NCOA1: variants seen among roughly 807,000 people sequenced by gnomAD.
NCOA1 encodes Hin-2 protein.
A neutral mutation model predicts 150.9 loss-of-function variants in NCOA1; 35 were observed. The ratio of observed to expected loss-of-function variants is 0.23; its 90% CI spans 0.18 to 0.31. The LOEUF is 0.31. NCOA1 is among the 10% of genes least tolerant of loss of function. NCOA1 has a pLI of 1.00. For missense variants in NCOA1, 1,491 were observed against 1,749.3 expected (o/e 0.85, Z 2.63); for synonymous variants, 590 against 630.0 (o/e 0.94, Z 0.95).
At chr2:24,516,250 T>C (rs1199846352) in intron 1 of NCOA1, among the ~76,000 whole-genome samples, 2 of 141,264 alleles carry the variant, frequency 1.4e-5, no homozygotes, top group African/African-American at 5.3e-5. Context: ...TGGAGTGCAG[T>C]GGCACGATCT....
chr2:24,491,408 C>G lies in NCOA1; in HGVS notation c.-590C>G, dbSNP rs1662945933. Among the ~76,000 whole-genome samples, 1 of 135,160 alleles carries G rather than the reference C, an allele frequency of 7.4e-6. No individual in the cohort carries two copies. The highest frequency in any genetic ancestry group is 7.0e-5 in the Admixed American group (1 of 14,268). 88.7% of individuals were successfully genotyped at this position (135,160 alleles called of 152,430 possible). On this transcript the variant is annotated 5_prime_UTR_variant, in exon 1 of 23. Transcript: ENST00000348332. Reference sequence around the variant, plus strand: ...GCCTTGAGGGCCTCCGCCGCCTGTTCGCTGCTGCTCCCTCGAGCGGAGCCT... The same window carrying G: ...GCCTTGAGGGCCTCCGCCGCCTGTTGGCTGCTGCTCCCTCGAGCGGAGCCT...
chr2:24,627,967 C>T (rs1451943783), intron 3 of NCOA1, among the ~76,000 whole-genome samples: 1 of 152,210 alleles, frequency 6.6e-6, no homozygotes, highest in Non-Finnish European at 1.5e-5. Context: ...CTTCCTCCCT[C>T]TGTTCTCACC....
intron 3 of NCOA1, among the ~76,000 whole-genome samples, chr2:24,614,763 A>G (rs1668800559): frequency 6.6e-6 from 1 of 152,214 alleles, no homozygotes; most frequent in South Asian, 2.1e-4. Flanking sequence ...ACTGACATAG[A>G]AAAAGTTATT....
chr2:24,576,645 TC>T (rs1169376888), intron 2 of NCOA1, among the ~76,000 whole-genome samples: 1 of 152,222 alleles, frequency 6.6e-6, no homozygotes, highest in African/African-American at 2.4e-5. Flanking sequence ...TTGTGGAAAT[TC>T]TTGAGTAACT....
At position 24,576,149 on chromosome 2, in the gene NCOA1, G is replaced by GTTTTTTTTTGTTTT. The variant is rs1666947727; in HGVS notation, c.-259-8318_-259-8317insGTTTTTTTTTTTTT. On this transcript the variant is annotated intron_variant, in intron 2 of 22. Transcript: ENST00000348332. ...GAGTTTCAGAAATTATTTGGCCTTTGTTTTTTTTTTTTTGTTTTTTGTTTT... is the reference window on the plus strand; with the variant it reads ...GAGTTTCAGAAATTATTTGGCCTTTGTTTTTTTTTGTTTTTTTTTTTTTTTTTGTTTTTTGTTTT... 6.3e-4 allele frequency among the ~76,000 whole-genome samples: 59 copies of GTTTTTTTTTGTTTT among 93,988 alleles called. 1 individual carries two copies. Among genetic ancestry groups the GTTTTTTTTTGTTTT allele is most frequent in the East Asian group, 8.5e-4 (3 of 3,528 alleles). The allele number at this position is 93,988 out of a possible 152,430, so 61.7% of individuals were successfully genotyped here. A position where few individuals can be genotyped will look rare whatever the true frequency, so the allele number is the denominator to read the frequency against.
At chr2:24,763,501 C>G (rs1232130263) in intron 22 of NCOA1, among the ~76,000 whole-genome samples, 2 of 135,586 alleles carry the variant, frequency 1.5e-5, no homozygotes, top group Non-Finnish European at 3.1e-5. Context: ...GATCACGCCA[C>G]TGCATTCCAG....
At chr2:24,724,474 A>G (rs1011964858) in intron 14 of NCOA1, among the ~76,000 whole-genome samples, 2 of 152,212 alleles carry the variant, frequency 1.3e-5, no homozygotes, top group African/African-American at 2.4e-5. Context: ...ATAAAAACCA[A>G]CTTCTTTTAA....
chr2:24,606,448 G>C (rs1391356740), intron 3 of NCOA1, among the ~76,000 whole-genome samples: 1 of 152,116 alleles, frequency 6.6e-6, no homozygotes, highest in Admixed American at 6.5e-5. Context: ...TGTTGGCCAG[G>C]CTGGTCTCGA....
intron 17 of NCOA1, among the ~76,000 whole-genome samples, chr2:24,735,951 G>A (rs921020710): frequency 2.6e-5 from 4 of 152,358 alleles, no homozygotes; most frequent in Admixed American, 2.0e-4. Context: ...GCTGGGCACA[G>A]TGGCTCATGC....
chr2:24,742,103 G>C lies in NCOA1; in HGVS notation c.3623G>C (p.Gly1208Ala), dbSNP rs753005597. ...LANRNSMVSR[G>A]MTGNIGGQFG... ...AACCGCAACAGCATGGTGAGCAGAG[G>C]CATGACAGGAAACATAGGAGGACAG... Residue 1208 changes from glycine (G) to alanine (A), a missense_variant, in exon 19 of 23, where the codon GGC becomes GCC. Physicochemically the swap from Gly to Ala is moderately conservative, Grantham distance 60. Transcript: ENST00000348332. The C allele has an allele frequency of 6.2e-7, 1 of 1,614,098 alleles. No individual in the cohort carries two copies. The highest frequency in any genetic ancestry group is 1.3e-5 in the African/African-American group (1 of 74,926).
intron 1 of NCOA1, among the ~76,000 whole-genome samples, chr2:24,552,031 A>T (rs1665849090): frequency 6.6e-6 from 1 of 152,036 alleles, no homozygotes; most frequent in Non-Finnish European, 1.5e-5. Flanking sequence ...GCAGAATCAC[A>T]ATGTCTTAAT....
At chr2:24,590,413 A>G (rs1667607531) in intron 3 of NCOA1, among the ~76,000 whole-genome samples, 1 of 152,080 alleles carries the variant, frequency 6.6e-6, no homozygotes, top group African/African-American at 2.4e-5. Context: ...TAGTTATTTG[A>G]TTTGTATTAA....
intron 11 of NCOA1, among the ~76,000 whole-genome samples, chr2:24,701,769 G>C (rs1673174355): frequency 6.6e-6 from 1 of 152,198 alleles, no homozygotes; most frequent in South Asian, 2.1e-4. Flanking sequence ...CCAGTATTTT[G>C]AGAGGCTGAG....
At chr2:24,494,992 G>C (rs1390064328) in intron 1 of NCOA1, among the ~76,000 whole-genome samples, 1 of 151,594 alleles carries the variant, frequency 6.6e-6, no homozygotes, top group Non-Finnish European at 1.5e-5. Flanking sequence ...ATTTTAGTTA[G>C]ACCTTGTGCC....
chr2:24,500,613 A>G (rs572645129), intron 1 of NCOA1, among the ~76,000 whole-genome samples: 60 of 152,308 alleles, frequency 3.9e-4, no homozygotes, highest in Admixed American at 1.1e-3. Context: ...TTTTAATACC[A>G]TTTCATAGAG....
chr2:24,539,340 C>CA (rs1558777380), intron 1 of NCOA1, among the ~76,000 whole-genome samples: 1 of 152,034 alleles, frequency 6.6e-6, no homozygotes, highest in Admixed American at 6.6e-5. Flanking sequence ...GCATTAGAGA[C>CA]AAAAGGAATG....
intron 11 of NCOA1, among the ~76,000 whole-genome samples, chr2:24,700,130 C>T (rs1027022315): frequency 3.8e-4 from 56 of 147,630 alleles, no homozygotes; most frequent in East Asian, 2.4e-3. Flanking sequence ...GCAACAAGAG[C>T]GAAACTTCAT....
intron 1 of NCOA1, among the ~76,000 whole-genome samples, chr2:24,535,121 A>G (rs985806648): frequency 1.3e-5 from 2 of 152,120 alleles, no homozygotes; most frequent in Non-Finnish European, 2.9e-5. Flanking sequence ...TGCTTTATGT[A>G]TCTGGGTGCT....
intron 3 of NCOA1, among the ~76,000 whole-genome samples, chr2:24,597,902 A>G (rs924986009): frequency 3.9e-5 from 6 of 152,080 alleles, no homozygotes; most frequent in African/African-American, 1.4e-4. Flanking sequence ...TACATTGGGT[A>G]TATCTCCTAA....
Sources: allele counts gnomAD v4.1 joint callset (sites outside exome capture counted in the v4.1 genomes callset), GRCh38; gene constraint gnomAD v4.1.1; transcripts MANE v1.5; gene names NCBI Gene and HGNC (gene_info 2026-07-23, HGNC 2026-07-21).